The following KDELR3 variants were observed in gnomAD, a reference collection of about 807,000 sequenced individuals.
KDELR3 encodes the protein KDEL endoplasmic reticulum protein retention receptor 3, also known as ER lumen protein-retaining receptor 3.
A neutral mutation model predicts 22.7 loss-of-function variants in KDELR3; 26 were observed. The observed-to-expected ratio is 1.15, with a 90% CI of 0.84 to 1.59. KDELR3 has a LOEUF of 1.59. Ranked by LOEUF, KDELR3 falls within the 40% of genes most tolerant of loss-of-function variation. The pLI, the probability that KDELR3 is intolerant of heterozygous loss-of-function variation, is 0.00. For missense variants in KDELR3, 289 were observed against 251.1 expected (o/e 1.15, Z -1.02); for synonymous variants, 120 against 98.2 (o/e 1.22, Z -1.31).
Position 38,479,701 on chromosome 22 carries a change from C to G in KDELR3, c.301C>G (p.Pro101Ala). The G allele has an allele frequency of 1.9e-6, 3 of 1,614,090 alleles. No homozygotes were observed. The highest frequency in any genetic ancestry group is 2.5e-6 in the Non-Finnish European group (3 of 1,180,016). Reference sequence around the variant, plus strand: ...ATTCCGCCTGGAGTTTCTTCTGGTCCCAGTCATTGGCCTTTCCTTCCTTGA... The same window carrying G: ...ATTCCGCCTGGAGTTTCTTCTGGTCGCAGTCATTGGCCTTTCCTTCCTTGA... ...DTFRLEFLLV[P>A]VIGLSFLENY... Residue 101 changes from proline to alanine, a missense_variant, in exon 3 of 5, where the codon CCA becomes GCA. Physicochemically the swap from Pro to Ala is conservative, Grantham distance 27 (BLOSUM62 -1). Coordinates refer to ENST00000216014, the MANE Select transcript of KDELR3 (RefSeq NM_006855.4).
intron 1 of KDELR3, among the ~76,000 whole-genome samples, chr22:38,471,008 G>A (rs2089521370): frequency 6.6e-6 from 1 of 152,122 alleles, no homozygotes; most frequent in Admixed American, 6.6e-5. Flanking sequence ...TCTGAGTATG[G>A]TGGCAGGTGC....
chr22:38,472,206 A>G (rs1272397421), intron 1 of KDELR3, among the ~76,000 whole-genome samples: 2 of 152,110 alleles, frequency 1.3e-5, no homozygotes, highest in Non-Finnish European at 1.5e-5. Context: ...GTCCGGGCAC[A>G]GTGGCTTACG....
chr22:38,470,603 A>T (rs2089518894), intron 1 of KDELR3, among the ~76,000 whole-genome samples: 1 of 152,148 alleles, frequency 6.6e-6, no homozygotes, highest in African/African-American at 2.4e-5. Flanking sequence ...CCCAGCCCCA[A>T]AGACCAGAGA....
chr22:38,473,262 A>T (rs886153620), intron 1 of KDELR3, among the ~76,000 whole-genome samples: 16 of 151,850 alleles, frequency 1.1e-4, no homozygotes, highest in Middle Eastern at 3.4e-3. Context: ...GTCTCTACAA[A>T]AATAATAATA....
chr22:38,469,625 C>A (rs1330877275), intron 1 of KDELR3, among the ~76,000 whole-genome samples: 1 of 152,082 alleles, frequency 6.6e-6, no homozygotes, highest in Non-Finnish European at 1.5e-5. Context: ...GGACCCGGAG[C>A]AGCAGGCCCT....
At chr22:38,474,771 G>A (rs1445984346) in intron 2 of KDELR3, 148 bp downstream of exon 2, 3 of 652,062 alleles carry the variant, frequency 4.6e-6, no homozygotes, top group Middle Eastern at 3.5e-4. Context: ...ACCTCATCTT[G>A]GGCCTCTTTG....
chr22:38,468,750 C>T (rs1292913289), intron 1 of KDELR3, among the ~76,000 whole-genome samples: 1 of 152,190 alleles, frequency 6.6e-6, no homozygotes, highest in African/African-American at 2.4e-5. Flanking sequence ...CCCCGCCCCC[C>T]AAAGTGAGCC....
Position 38,475,590 on chromosome 22 carries a change from A to G in KDELR3, c.192+967A>G, listed in dbSNP as rs2089552353. Among the ~76,000 whole-genome samples, 2 of 152,352 alleles carry G rather than the reference A, an allele frequency of 1.3e-5. 1 individual carries two copies. The highest frequency in any genetic ancestry group is 1.3e-4 in the Admixed American group (2 of 15,294). ...GTAAGCTGACAGCTTAGTGACAACA[A>G]GGAACCAGCCATGTAAAGATCAAAG... On this transcript the variant is annotated intron_variant, in intron 2 of 4. Transcript: ENST00000216014.
At chr22:38,475,697 G>A (rs1379336824) in intron 2 of KDELR3, among the ~76,000 whole-genome samples, 2 of 152,168 alleles carry the variant, frequency 1.3e-5, no homozygotes, top group Non-Finnish European at 2.9e-5. Context: ...CGCAATCTCA[G>A]CTCACTGCAG....
chr22:38,479,955 C>T (rs371405125), intron 3 of KDELR3, among the ~76,000 whole-genome samples: 1 of 152,156 alleles, frequency 6.6e-6, no homozygotes, highest in Non-Finnish European at 1.5e-5. Context: ...GCCCATAAAC[C>T]AAGCAGGCAT....
At chr22:38,477,796 C>T (rs1317277267) in intron 2 of KDELR3, among the ~76,000 whole-genome samples, 1 of 152,192 alleles carries the variant, frequency 6.6e-6, no homozygotes, top group Non-Finnish European at 1.5e-5. Context: ...TCAAACATCA[C>T]CTGCTAGTTC....
chr22:38,480,614 G>A (rs1227184450), intron 3 of KDELR3, among the ~76,000 whole-genome samples: 3 of 151,928 alleles, frequency 2.0e-5, no homozygotes, highest in Admixed American at 6.6e-5. Flanking sequence ...TTAGCCGAGC[G>A]TGGTGGCAGG....
At chr22:38,477,212 CT>C (rs1569132662) in intron 2 of KDELR3, among the ~76,000 whole-genome samples, 2 of 149,258 alleles carry the variant, frequency 1.3e-5, no homozygotes, top group East Asian at 2.0e-4. Flanking sequence ...CATGCCCAGT[CT>C]TTTTTATTTT....
intron 2 of KDELR3, among the ~76,000 whole-genome samples, chr22:38,478,259 TTTA>T (rs2089573256): frequency 6.6e-6 from 1 of 151,868 alleles, no homozygotes; most frequent in African/African-American, 2.4e-5. Context: ...AATACAAACT[TTTA>T]AGGCTGGGCT....
At chr22:38,481,945 T>C (rs763475732) in intron 4 of KDELR3, among the ~76,000 whole-genome samples, 10 of 152,062 alleles carry the variant, frequency 6.6e-5, no homozygotes, top group Non-Finnish European at 1.5e-4. Flanking sequence ...AAAAAGACAC[T>C]TCATATGTTT....
At chr22:38,473,458 AAAAG>A (rs138423) in intron 1 of KDELR3, among the ~76,000 whole-genome samples, 76,349 of 151,304 alleles carry the variant, frequency 0.5, 21,557 homozygotes, top group Admixed American at 0.64. Flanking sequence ...AAAAAAATAA[AAAAG>A]AAAGAAACAT....
In KDELR3 at chr22:38,468,290, G is replaced by T. The variant is rs760445850; in HGVS notation, c.57G>T (p.Leu19=). 4 of 1,613,890 alleles carry T rather than the reference G, an allele frequency of 2.5e-6. No homozygotes were observed. The Admixed American group carries it at 5.0e-5, about 20-fold the overall frequency. The change falls in exon 1 of 5, where the codon CTG becomes CTT. Residue 19 remains leucine (L), a synonymous_variant. Transcript: ENST00000216014. ...DLSHLLAMIL[L]LGKIWRSKCC... is the part of the protein sequence containing the mutation. ...GCCACCTCCTGGCCATGATCTTGCT[G>T]CTGGGGAAGATCTGGAGGTCCAAGT...
At chr22:38,473,160 C>A (rs1173943345) in intron 1 of KDELR3, among the ~76,000 whole-genome samples, 1 of 152,266 alleles carries the variant, frequency 6.6e-6, no homozygotes, top group African/African-American at 2.4e-5. Flanking sequence ...CGCGGTGGCT[C>A]ACGCCTATAA....
rs1177137730 is a variant in KDELR3 at position 38,483,113 on chromosome 22, CTGGTT to C, written c.*580_*584del. 1.3e-5 allele frequency: 2 copies of C among 153,342 alleles called. No homozygotes were observed. Among genetic ancestry groups the C allele is most frequent in the Non-Finnish European group, 2.9e-5 (2 of 68,892 alleles). The allele number at this position is 153,342 out of a possible 1,614,324, so 9.5% of individuals were successfully genotyped here. ...GAGGAGTTTTGTGACTCATCTTTTA[CTGGTT>C]TGAATTTTTTCAAACCAGTGGCTGA... is the stretch of plus-strand genomic sequence containing the variant. On this transcript the variant is annotated 3_prime_UTR_variant, in exon 5 of 5. Transcript: ENST00000216014.
Sources: gnomAD v4.1 joint callset for allele counts (sites outside exome capture counted in the v4.1 genomes callset) on GRCh38, gnomAD v4.1.1 for gene constraint, MANE v1.5 for transcripts, NCBI Gene and HGNC (gene_info 2026-07-23, HGNC 2026-07-21) for gene names.